ARHGEF11: variants seen among roughly 807,000 people sequenced by gnomAD.
ARHGEF11 encodes the protein Rho guanine nucleotide exchange factor 11, also known as Rho guanine exchange factor (GEF) 11.
In ARHGEF11, 55 loss-of-function variants were observed where a neutral mutation model predicts 193.7. The ratio of observed to expected loss-of-function variants is 0.28; its 90% confidence interval spans 0.23 to 0.36. The LOEUF is 0.36. ARHGEF11 is among the 10% of genes least tolerant of loss of function. ARHGEF11 has a pLI of 1.00. For missense variants in ARHGEF11, 1,723 were observed against 2,005.6 expected (o/e 0.86, Z 2.69); for synonymous variants, 693 against 768.0 (o/e 0.90, Z 1.62).
intron 1 of ARHGEF11, among the ~76,000 whole-genome samples, chr1:156,987,862 C>T (rs760247586): frequency 2.0e-5 from 3 of 152,278 alleles, no homozygotes; most frequent in Non-Finnish European, 4.4e-5. Context: ...CCAGACAAGA[C>T]ACTAGGGATG....
intron 3 of ARHGEF11, among the ~76,000 whole-genome samples, chr1:156,981,067 AGC>A (rs1235767589): frequency 1.3e-5 from 2 of 152,056 alleles, no homozygotes; most frequent in Non-Finnish European, 2.9e-5. Context: ...CTTGCCCTGT[AGC>A]CCAAGCTGGA....
intron 21 of ARHGEF11, among the ~76,000 whole-genome samples, chr1:156,953,695 T>A (rs1659466116): frequency 6.6e-6 from 1 of 152,282 alleles, no homozygotes; most frequent in South Asian, 2.1e-4. Flanking sequence ...TCTCTCTATA[T>A]ATATTTATTG....
chr1:157,043,753 C>T (rs1377936918), intron 1 of ARHGEF11, among the ~76,000 whole-genome samples: 1 of 152,208 alleles, frequency 6.6e-6, no homozygotes, highest in Non-Finnish European at 1.5e-5. Flanking sequence ...TGGTAAAAAT[C>T]CAGACTTGCA....
chr1:156,936,495 AAAATATATAT>A (rs1280266032), intron 40 of ARHGEF11, among the ~76,000 whole-genome samples: 757 of 57,086 alleles, frequency 0.013, 19 homozygotes, highest in African/African-American at 0.059. Context: ...AAAAAAAAAA[AAAATATATAT>A]ATATATATAT....
At chr1:156,959,544 G>A (rs1660475717) in intron 15 of ARHGEF11, among the ~76,000 whole-genome samples, 1 of 152,130 alleles carries the variant, frequency 6.6e-6, no homozygotes, top group African/African-American at 2.4e-5. Context: ...CATGAAACCT[G>A]AGCTCCCCAG....
chr1:157,017,570 G>T (rs138870396), intron 1 of ARHGEF11, among the ~76,000 whole-genome samples: 1,964 of 151,926 alleles, frequency 0.013, 39 homozygotes, highest in African/African-American at 0.045. Flanking sequence ...AGCCGGACGT[G>T]GTGGCACGCA....
rs1387087275 is a variant in ARHGEF11, at chr1:156,955,764, C to T, written c.1707G>A (p.Glu569=). 14 of 1,614,206 alleles carry T rather than the reference C, an allele frequency of 8.7e-6. No homozygotes were observed. The highest frequency in any genetic ancestry group is 4.5e-5 in the East Asian group (2 of 44,882). ...TGAGGATAGGGTTTCGCTTCTTGTC[C>T]TCCAAGGCATCCTTTTCTTTCTTGG... ...SNSKKEKDAL[E]DKKRNPILKY... Residue 569 remains glutamate, a synonymous_variant, in exon 20 of 41, where the codon GAG becomes GAA. Coordinates refer to ENST00000368194, the MANE Select transcript of ARHGEF11 (RefSeq NM_198236.3).
At position 156,936,978 on chromosome 1, in the gene ARHGEF11, G is replaced by A. The variant is rs773298947; in HGVS notation, c.4468C>T (p.Leu1490Phe). 71 of 1,614,024 alleles carry A rather than the reference G, an allele frequency of 4.4e-5. No individual in the cohort carries two copies. Among genetic ancestry groups the A allele is most frequent in the Non-Finnish European group, 5.8e-5 (68 of 1,179,984 alleles). The change falls in exon 40 of 41, where the codon CTC becomes TTC. Residue 1490 changes from leucine (L) to phenylalanine (F), a missense_variant. By Grantham distance (22) the Leu-to-Phe change is conservative. This residue lies in a region of ARHGEF11 where 360 missense variants were observed against 344.4 expected (regional missense o/e 1.05). Coordinates refer to ENST00000368194, the MANE Select transcript of ARHGEF11 (RefSeq NM_198236.3). ...KDMELAHREL[L>F]KSLGGESSGG... is the part of the protein sequence containing the mutation. Reference sequence around the variant, plus strand: ...GATGACTCTCCCCCAAGGGACTTGAGCAGCTCTCTGTGGGCCAGCTCCATA... The same window carrying A: ...GATGACTCTCCCCCAAGGGACTTGAACAGCTCTCTGTGGGCCAGCTCCATA...
intron 7 of ARHGEF11, among the ~76,000 whole-genome samples, chr1:156,976,696 T>G (rs1050540140): frequency 2.6e-5 from 4 of 152,232 alleles, no homozygotes; most frequent in African/African-American, 4.8e-5. Context: ...TTTCCTTCCC[T>G]TCCTTGGAAA....
At position 156,956,542 on chromosome 1, in the gene ARHGEF11, T is replaced by C. The variant is rs768881890; in HGVS notation, c.1549A>G (p.Asn517Asp). ...DRSAPMDFAL[N>D]TYMSHAGIRL... ...ATCCCAGCATGGCTCATGTAGGTAT[T>C]GAGGGCGAAGTCCATGGGGGCGCTG... The change falls in exon 19 of 41, where the codon AAT (asparagine) becomes GAT (aspartate). Residue 517 changes from asparagine (N) to aspartate (D), a missense_variant. By Grantham distance (23) the Asn-to-Asp change is conservative. Transcript: ENST00000368194. 3.1e-6 allele frequency: 5 copies of C among 1,614,154 alleles called. No homozygotes were observed. Among genetic ancestry groups the C allele is most frequent in the Non-Finnish European group, 4.2e-6 (5 of 1,180,016 alleles).
At position 157,040,668 on chromosome 1, in the gene ARHGEF11, T is replaced by C. The variant is rs149563893; in HGVS notation, c.32+3631A>G. Reference sequence around the variant, plus strand: ...CTACAACAATAAAGCCAGTTCACTCTGCTTAAATTCTTCAAAATGATATAA... The same window carrying C: ...CTACAACAATAAAGCCAGTTCACTCCGCTTAAATTCTTCAAAATGATATAA... On this transcript the variant is annotated intron_variant, in intron 1 of 40. Coordinates refer to ENST00000368194, the MANE Select transcript of ARHGEF11 (RefSeq NM_198236.3). 5.1e-3 allele frequency among the ~76,000 whole-genome samples: 776 copies of C among 152,346 alleles called. 3 individuals carry two copies. The highest frequency in any genetic ancestry group is 8.3e-3 in the Admixed American group (127 of 15,300).
intron 11 of ARHGEF11, among the ~76,000 whole-genome samples, chr1:156,967,451 T>C (rs189878945): frequency 6.6e-6 from 1 of 152,282 alleles, no homozygotes; most frequent in African/African-American, 2.4e-5. Context: ...CTCTCCTGGA[T>C]CTAGCTCCAC....
intron 1 of ARHGEF11, among the ~76,000 whole-genome samples, chr1:157,000,696 G>A (rs1250535827): frequency 6.6e-6 from 1 of 152,148 alleles, no homozygotes; most frequent in Non-Finnish European, 1.5e-5. Flanking sequence ...CCATCAAATG[G>A]GTAACTTGTG....
At position 156,959,945 on chromosome 1, in the gene ARHGEF11, A is replaced by AG. The variant is rs1557862203; in HGVS notation, c.1282+472_1282+473insC. 3.2e-5 allele frequency among the ~76,000 whole-genome samples: 3 copies of AG among 93,026 alleles called. 1 individual carries two copies. Among genetic ancestry groups the AG allele is most frequent in the African/African-American group, 1.4e-4 (3 of 21,170 alleles). 61.0% of individuals were successfully genotyped at this position (93,026 alleles called of 152,430 possible). A position where few individuals can be genotyped will look rare whatever the true frequency, so the allele number is the denominator to read the frequency against. ...AATAACCCCCCCTCCCCCCCCCCCA[A>AG]AAAAAACAATAAGAAAAACCACTCT... On this transcript the variant is annotated intron_variant, in intron 15 of 40. Coordinates refer to ENST00000368194, the MANE Select transcript of ARHGEF11 (RefSeq NM_198236.3).
chr1:157,015,147 TG>T (rs1669053867), intron 1 of ARHGEF11, among the ~76,000 whole-genome samples: 1 of 152,230 alleles, frequency 6.6e-6, no homozygotes, highest in Admixed American at 6.5e-5. Flanking sequence ...CAATACATCC[TG>T]GACAATTTGA....
chr1:156,962,878 CAAAAAAAAAAA>C (rs59159449), intron 13 of ARHGEF11, among the ~76,000 whole-genome samples: 2 of 21,272 alleles, frequency 9.4e-5, no homozygotes, highest in African/African-American at 1.8e-4. Context: ...GACTCCGTCT[CAAAAAAAAAAA>C]AAAAAAAAAA....
At position 157,003,206 on chromosome 1, in the gene ARHGEF11, T is replaced by C. The variant is rs540686190; in HGVS notation, c.33-17033A>G. On this transcript the variant is annotated intron_variant, in intron 1 of 40. Coordinates refer to ENST00000368194, the MANE Select transcript of ARHGEF11 (RefSeq NM_198236.3). ...AGGCTGAGCCACTTGCTTGATTTCA[T>C]GCATCCAGCAAGTGAGATGAAGCTG... is the stretch of plus-strand genomic sequence containing the variant. 1.1e-4 allele frequency among the ~76,000 whole-genome samples: 16 copies of C among 152,362 alleles called. No individual in the cohort carries two copies. In the South Asian group the frequency reaches 3.3e-3, roughly 32 times the overall value.
chr1:157,008,528 A>AC (rs1157669839), intron 1 of ARHGEF11, among the ~76,000 whole-genome samples: 2 of 152,166 alleles, frequency 1.3e-5, no homozygotes, highest in East Asian at 3.9e-4. Flanking sequence ...CCTTGCTCTT[A>AC]GATTTGTAGC....
At chr1:156,966,060 A>C (rs890687898) in intron 11 of ARHGEF11, among the ~76,000 whole-genome samples, 3 of 152,208 alleles carry the variant, frequency 2.0e-5, no homozygotes, top group African/African-American at 7.2e-5. Flanking sequence ...TAAATGCTCT[A>C]AGAGAAAAAA....
Sources: gnomAD v4.1 joint callset for allele counts (sites outside exome capture counted in the v4.1 genomes callset) on GRCh38, gnomAD v4.1.1 for gene constraint, gnomAD v4.1.1 regional missense constraint, MANE v1.5 for transcripts, NCBI Gene and HGNC (gene_info 2026-07-23, HGNC 2026-07-21) for gene names.